GAB4: variants seen among roughly 807,000 people sequenced by gnomAD.
The protein encoded by GAB4 is GRB2 associated binding protein family member 4, also known as GRB2-associated-binding protein 4.
GAB4 carries 26 observed loss-of-function variants against 51.3 expected under a neutral mutation model. The ratio of observed to expected loss-of-function variants is 0.51; its 90% CI spans 0.37 to 0.70. GAB4 has a LOEUF of 0.70. GAB4 is among the 30% of genes least tolerant of loss of function. The pLI is 0.00. For missense variants in GAB4, 759 were observed against 734.6 expected (o/e 1.03, Z -0.38); for synonymous variants, 329 against 291.2 (o/e 1.13, Z -1.32).
chr22:16,987,722 GT>G (rs1220828123), intron 3 of GAB4, among the ~76,000 whole-genome samples: 2 of 152,058 alleles, frequency 1.3e-5, no homozygotes, highest in African/African-American at 4.8e-5. Flanking sequence ...TCATGGCATG[GT>G]TTTTTTATAA....
At chr22:16,984,675 T>C (rs2060853509) in intron 3 of GAB4, among the ~76,000 whole-genome samples, 2 of 152,372 alleles carry the variant, frequency 1.3e-5, no homozygotes, top group African/African-American at 2.4e-5. Flanking sequence ...GCAAGTTCCA[T>C]CTCTCCTATG....
At position 16,970,074 on chromosome 22, in the gene GAB4, C is replaced by A. The variant is rs1443925643; in HGVS notation, c.806G>T (p.Gly269Val). 1 of 1,614,128 alleles carries A rather than the reference C, an allele frequency of 6.2e-7. No homozygotes were observed. The highest frequency in any genetic ancestry group is 8.5e-7 in the Non-Finnish European group (1 of 1,180,036). ...GCTGGGCTTGGAAAGGCTATGGAAG[C>A]CATGGATGTGACCGCTGACCCCATC... Reference protein sequence around the residue: ...SVDGVSGHIHGFHSLSKPSQH... With the variant: ...SVDGVSGHIHVFHSLSKPSQH... Residue 269 changes from glycine (G) to valine (V), a missense_variant, in exon 4 of 10, where the codon GGC becomes GTC. Coordinates refer to ENST00000400588, the MANE Select transcript of GAB4 (RefSeq NM_001037814.1).
chr22:16,981,154 A>G (rs977968376), intron 3 of GAB4, among the ~76,000 whole-genome samples: 3 of 151,294 alleles, frequency 2.0e-5, no homozygotes, highest in African/African-American at 7.3e-5. Context: ...TTTAAAGTAT[A>G]ATAAAAATAA....
intron 1 of GAB4, among the ~76,000 whole-genome samples, chr22:16,995,620 G>A (rs1399609731): frequency 6.6e-6 from 1 of 152,208 alleles, no homozygotes; most frequent in Admixed American, 6.5e-5. Flanking sequence ...GAAGGAGCAG[G>A]CAGCAATCTT....
At chr22:16,984,655 G>T (rs529517168) in intron 3 of GAB4, among the ~76,000 whole-genome samples, 5 of 152,344 alleles carry the variant, frequency 3.3e-5, no homozygotes, top group Admixed American at 3.3e-4. Context: ...AAGCTGGTTA[G>T]GTTGAGACTG....
At position 17,006,910 on chromosome 22, in the gene GAB4, A is replaced by G. The variant is rs141496952; in HGVS notation, c.174+1031T>C. The stretch of plus-strand genomic sequence containing the variant: ...TTACGAGAAATACCTAATGTAGATG[A>G]TGGGTTGATGGGTGCAGCAAACCAC... On this transcript the variant is annotated intron_variant, in intron 1 of 9. Transcript: ENST00000400588. Among the ~76,000 whole-genome samples the G allele has an allele frequency of 7.0e-3, 1,073 of 152,298 alleles. 4 individuals are homozygous for G. The highest frequency in any genetic ancestry group is 0.012 in the Non-Finnish European group (783 of 68,020).
intron 1 of GAB4, 32 bp downstream of exon 1, chr22:17,007,909 G>A (rs771700254): frequency 1.2e-5 from 18 of 1,504,054 alleles, no homozygotes; most frequent in African/African-American, 1.1e-4. Context: ...CCTCCGTGGC[G>A]CTCCTGGTAC....
intron 5 of GAB4, chr22:16,966,686 G>A: frequency 3.3e-6 from 1 of 304,836 alleles, no homozygotes; most frequent in Non-Finnish European, 6.2e-6. Flanking sequence ...AGAGGAGAGA[G>A]GGTGGCAACT....
In GAB4 at chr22:16,962,480, G is replaced by A. The variant is rs80020649; in HGVS notation, c.*253C>T. 0.02 allele frequency: 7,135 copies of A among 355,870 alleles called. 99 individuals carry two copies. Among genetic ancestry groups the A allele is most frequent in the Non-Finnish European group, 0.026 (5,161 of 197,156 alleles). 22.0% of individuals were successfully genotyped at this position (355,870 alleles called of 1,614,324 possible). On this transcript the variant is annotated 3_prime_UTR_variant, in exon 10 of 10. Transcript: ENST00000400588. ...TGAGTAAGTGTGAGAGTGGAAATCT[G>A]TTGGGAGCCCGGGTCTGAGGGGCAG...
chr22:16,981,331 CAATG>C (rs1233894972), intron 3 of GAB4, among the ~76,000 whole-genome samples: 1 of 151,322 alleles, frequency 6.6e-6, no homozygotes, highest in Non-Finnish European at 1.5e-5. Context: ...AATAAAATAT[CAATG>C]AAACAAAAAC....
rs1320053369 is a variant in GAB4 at position 16,987,945 on chromosome 22, AT to A, written c.686+14del. The A allele has an allele frequency of 1.3e-6, 2 of 1,581,418 alleles. No individual in the cohort carries two copies. Among genetic ancestry groups the A allele is most frequent in the Admixed American group, 3.7e-5 (2 of 54,042 alleles). On this transcript the variant is annotated intron_variant, in intron 3 of 9. Transcript: ENST00000400588. The stretch of plus-strand genomic sequence containing the variant: ...GTGGGGGTCACTGCCCCCACTGGCC[AT>A]AGTAGCCCCCTACCTTGCATGTTCT...
Position 16,968,403 on chromosome 22 carries a change from T to A in GAB4, c.938-20A>T. On this transcript the variant is annotated intron_variant, in intron 4 of 9. Coordinates refer to ENST00000400588, the MANE Select transcript of GAB4 (RefSeq NM_001037814.1). ...AGGAAGCTACGACAGAGGAAGGAGA[T>A]CCACATGCATCACAGCTGATCCATG... 6.4e-7 allele frequency: 1 copy of A among 1,574,350 alleles called. No homozygotes were observed.
chr22:17,006,000 C>T (rs2061037244), intron 1 of GAB4, among the ~76,000 whole-genome samples: 1 of 152,158 alleles, frequency 6.6e-6, no homozygotes, highest in East Asian at 1.9e-4. Flanking sequence ...GCAATGGTAA[C>T]AAAAGCCAAA....
chr22:16,978,612 A>G lies in GAB4; in HGVS notation c.687-8419T>C, dbSNP rs1394130624. On this transcript the variant is annotated intron_variant, in intron 3 of 9. Transcript: ENST00000400588. Reference sequence around the variant, plus strand: ...GAATTCTAGCAGAGGCACAAAGAGGAGCTGATATCATTCCTTCTGAAACTA... The same window carrying G: ...GAATTCTAGCAGAGGCACAAAGAGGGGCTGATATCATTCCTTCTGAAACTA... Among the ~76,000 whole-genome samples, 4 of 152,216 alleles carry G rather than the reference A, an allele frequency of 2.6e-5. No individual in the cohort carries two copies. The East Asian group carries it at 7.7e-4, about 29-fold the overall frequency.
At position 16,966,328 on chromosome 22, in the gene GAB4, C is replaced by A. The variant is rs756446908; in HGVS notation, c.1060G>T (p.Ala354Ser). ...RTLVGLSDSIASEGSCVPMNP... is the reference protein window; with the variant it reads ...RTLVGLSDSISSEGSCVPMNP... ...ATGGGCACACAGCTGCCCTCAGAAGCAATGCTGTCTGACAGGCCCACAAGC... is the reference window on the plus strand; with the variant it reads ...ATGGGCACACAGCTGCCCTCAGAAGAAATGCTGTCTGACAGGCCCACAAGC... The change falls in exon 6 of 10, where the codon GCT (alanine) becomes TCT (serine). Residue 354 changes from alanine to serine, a missense_variant. Around this residue, in one of 3 missense-constraint regions of GAB4, gnomAD observed 588 missense variants for 510.2 expected, o/e 1.15. Transcript: ENST00000400588. 6.2e-7 allele frequency: 1 copy of A among 1,613,480 alleles called. No homozygotes were observed. The highest frequency in any genetic ancestry group is 8.5e-7 in the Non-Finnish European group (1 of 1,179,840).
chr22:16,981,055 TA>T (rs1354716646), intron 3 of GAB4, among the ~76,000 whole-genome samples: 1 of 152,018 alleles, frequency 6.6e-6, no homozygotes, highest in Non-Finnish European at 1.5e-5. Flanking sequence ...ATACTTAATG[TA>T]GATGATGGGT....
chr22:16,991,807 C>A, intron 2 of GAB4, 66 bp downstream of exon 2: 1 of 1,358,978 alleles, frequency 7.4e-7, no homozygotes, highest in Non-Finnish European at 1.0e-6. Context: ...GAGCTGCCCT[C>A]CTTGCTGGAG....
chr22:16,974,255 C>T (rs2060758176), intron 3 of GAB4, among the ~76,000 whole-genome samples: 1 of 152,234 alleles, frequency 6.6e-6, no homozygotes, highest in Non-Finnish European at 1.5e-5. Context: ...CGCTTGTCTT[C>T]CAGGACTGCA....
At chr22:16,989,408 C>T (rs1292176573) in intron 2 of GAB4, among the ~76,000 whole-genome samples, 1 of 152,272 alleles carries the variant, frequency 6.6e-6, no homozygotes. Flanking sequence ...GGAACCCCAG[C>T]TGGCTAATGC....
Sources: allele counts gnomAD v4.1 joint callset (sites outside exome capture counted in the v4.1 genomes callset), GRCh38; gene constraint gnomAD v4.1.1; regional missense constraint gnomAD v4.1.1; transcripts MANE v1.5; gene names NCBI Gene and HGNC (gene_info 2026-07-23, HGNC 2026-07-21).